TANC2: variants seen among roughly 807,000 people sequenced by gnomAD.
The protein encoded by TANC2 is tetratricopeptide repeat, ankyrin repeat and coiled-coil containing 2, also known as protein TANC2.
A neutral mutation model predicts 210.5 loss-of-function variants in TANC2; 26 were observed. That is an observed-to-expected ratio of 0.12 (90% CI 0.09 to 0.17). TANC2 has a LOEUF of 0.17. Among genes scored for constraint, TANC2 ranks in the 10% least tolerant of loss-of-function variants. TANC2 has a pLI of 1.00. For synonymous variants in TANC2, 931 were observed against 967.1 expected (o/e 0.96, Z 0.69); for missense variants, 2,129 against 2,608.9 (o/e 0.82, Z 4.01).
intron 9 of TANC2, among the ~76,000 whole-genome samples, chr17:63,297,105 G>A (rs992118457): frequency 6.6e-6 from 1 of 152,152 alleles, no homozygotes; most frequent in African/African-American, 2.4e-5. Flanking sequence ...TCTATATACT[G>A]TATTAATGTT....
At chr17:63,192,972 G>C (rs946113020) in intron 5 of TANC2, among the ~76,000 whole-genome samples, 1 of 152,160 alleles carries the variant, frequency 6.6e-6, no homozygotes, top group African/African-American at 2.4e-5. Context: ...CAGTGAAATA[G>C]AGCCCCAGAA....
chr17:63,011,327 C>T (rs34740982), intron 2 of TANC2, among the ~76,000 whole-genome samples: 8,407 of 151,424 alleles, frequency 0.056, 309 homozygotes, highest in Middle Eastern at 0.11. Context: ...TTATTTTATT[C>T]TTTTGATATT....
chr17:63,054,818 A>C (rs922745970), intron 2 of TANC2, among the ~76,000 whole-genome samples: 1 of 152,206 alleles, frequency 6.6e-6, no homozygotes, highest in Non-Finnish European at 1.5e-5. Context: ...GATTAGTAAA[A>C]GGGACCAGAG....
intron 1 of TANC2, among the ~76,000 whole-genome samples, chr17:62,996,660 GTTGT>G (rs1192686677): frequency 6.6e-6 from 1 of 151,934 alleles, no homozygotes; most frequent in Non-Finnish European, 1.5e-5. Context: ...TTTGTCATTG[GTTGT>G]TTACTTCTCC....
At chr17:63,304,149 TGGA>T (rs950735791) in intron 9 of TANC2, among the ~76,000 whole-genome samples, 45 of 152,248 alleles carry the variant, frequency 3.0e-4, no homozygotes, top group African/African-American at 7.9e-4. Context: ...TGCGATCATT[TGGA>T]GGAGAAGAGG....
At chr17:63,281,594 A>C (rs930063373) in intron 9 of TANC2, among the ~76,000 whole-genome samples, 4 of 152,118 alleles carry the variant, frequency 2.6e-5, no homozygotes, top group Non-Finnish European at 5.9e-5. Context: ...TGAGAGGAAC[A>C]TAACAGAATC....
intron 1 of TANC2, among the ~76,000 whole-genome samples, chr17:62,972,180 AT>A (rs1014536721): frequency 2.0e-5 from 3 of 152,094 alleles, no homozygotes; most frequent in Admixed American, 1.3e-4. Flanking sequence ...ATTTTAAAAA[AT>A]CTTTATAAAT....
Position 63,421,855 on chromosome 17 carries a change from C to A in TANC2, c.6125C>A (p.Ala2042Glu), listed in dbSNP as rs1490034568. 5 of 1,614,036 alleles carry A rather than the reference C, an allele frequency of 3.1e-6. No homozygotes were observed. In the South Asian group the frequency reaches 5.5e-5, roughly 18 times the overall value. Reference sequence around the variant, plus strand: ...GCTCGGACTCTACCTGTGGCTCAGGCATACCAGGACAACCTGTACAGGCAG... The same window carrying A: ...GCTCGGACTCTACCTGTGGCTCAGGAATACCAGGACAACCTGTACAGGCAG... Residue 2042 changes from alanine (A) to glutamate (E), a missense_variant, in exon 28 of 28, where the codon GCA becomes GAA. Ala to Glu is a moderately radical substitution (Grantham distance 107). Transcript: ENST00000689528. This position sits in a 1 kb window ranked among gnomAD's most constrained non-coding sequence, Gnocchi z 6.9.
intron 1 of TANC2, among the ~76,000 whole-genome samples, chr17:63,008,075 C>G (rs1283345680): frequency 7.4e-6 from 1 of 135,542 alleles, no homozygotes; most frequent in Non-Finnish European, 1.6e-5. Context: ...TCTGTTGATT[C>G]TTGCTACTTT....
chr17:63,076,191 T>C (rs1255744026), intron 3 of TANC2, among the ~76,000 whole-genome samples: 1 of 152,168 alleles, frequency 6.6e-6, no homozygotes, highest in African/African-American at 2.4e-5. Context: ...GGGCAAATGC[T>C]GAACTCCTCA....
Position 63,421,301 on chromosome 17 carries a change from G to A in TANC2, c.5571G>A (p.Leu1857=). The change falls in exon 28 of 28, where the codon CTG becomes CTA. Residue 1857 remains leucine (L), a synonymous_variant. Coordinates refer to ENST00000689528, the Ensembl canonical transcript of TANC2. This position sits in a 1 kb window ranked among gnomAD's most constrained non-coding sequence, Gnocchi z 6.9. ...ACCCGCCAACTCCCAGGCCGTTGCT[G>A]CATTCCCAAAGTGTAGGCCTTCGCT... 1 of 1,614,040 alleles carries A rather than the reference G, an allele frequency of 6.2e-7. No individual in the cohort carries two copies. Among genetic ancestry groups the A allele is most frequent in the Non-Finnish European group, 8.5e-7 (1 of 1,179,900 alleles).
chr17:63,231,570 A>C (rs2042477312), intron 7 of TANC2, among the ~76,000 whole-genome samples: 4 of 152,112 alleles, frequency 2.6e-5, no homozygotes, highest in Admixed American at 2.0e-4. Context: ...TTTCTTTAAG[A>C]ATGTTGAATA....
intron 27 of TANC2, among the ~76,000 whole-genome samples, chr17:63,419,155 G>C (rs1418492751): frequency 6.6e-6 from 1 of 152,162 alleles, no homozygotes; most frequent in Admixed American, 6.5e-5. Context: ...CAGGTTCACT[G>C]CTATGGCCAG....
intron 7 of TANC2, 34 bp downstream of exon 7, chr17:63,200,991 CT>C (rs1202486176): frequency 6.5e-6 from 10 of 1,544,868 alleles, no homozygotes; most frequent in Middle Eastern, 1.7e-4. Flanking sequence ...ATTTTGTGTC[CT>C]TTTTTTCCTT....
intron 1 of TANC2, among the ~76,000 whole-genome samples, chr17:63,002,360 T>G (rs929935707): frequency 2.0e-5 from 3 of 152,226 alleles, no homozygotes; most frequent in African/African-American, 7.2e-5. Context: ...GTTTTAGTTA[T>G]CGCATGTATA....
chr17:63,283,449 G>A (rs955809414), intron 9 of TANC2, among the ~76,000 whole-genome samples: 4 of 150,548 alleles, frequency 2.7e-5, no homozygotes, highest in African/African-American at 7.3e-5. Flanking sequence ...TTGCATTTCC[G>A]TGTGAAGCCT....
chr17:63,040,808 T>C (rs981175102), intron 2 of TANC2, among the ~76,000 whole-genome samples: 1 of 152,204 alleles, frequency 6.6e-6, no homozygotes, highest in Non-Finnish European at 1.5e-5. Flanking sequence ...ATGCTGCTGG[T>C]ATATTATTTT....
chr17:63,274,288 C>G (rs1197633353), intron 9 of TANC2, among the ~76,000 whole-genome samples: 1 of 151,892 alleles, frequency 6.6e-6, no homozygotes, highest in African/African-American at 2.4e-5. Flanking sequence ...AGAAACCCGG[C>G]CCAACGGGGG....
At chr17:63,314,509 T>G (rs1250295793) in exon 10 of TANC2, 1 of 1,613,974 alleles carries the variant, frequency 6.2e-7, no homozygotes, top group Non-Finnish European at 8.5e-7. Flanking sequence ...AAATAGATGC[T>G]CAACTTCAAA....
Sources: allele counts gnomAD v4.1 joint callset (sites outside exome capture counted in the v4.1 genomes callset), GRCh38; gene constraint gnomAD v4.1.1; non-coding constraint Gnocchi (gnomAD v3.1); transcripts MANE v1.5; gene names NCBI Gene and HGNC (gene_info 2026-07-23, HGNC 2026-07-21).